SLIT3: variants seen among roughly 807,000 people sequenced by gnomAD.
SLIT3 encodes the protein slit guidance ligand 3, also known as slit homolog 3 protein.
In SLIT3, 68 loss-of-function variants were observed where a neutral mutation model predicts 184.0. That is an observed-to-expected ratio of 0.37 (90% CI 0.30 to 0.45). The LOEUF is 0.45. Ranked by LOEUF, SLIT3 falls within the 20% of genes least tolerant of loss-of-function variation. The pLI is 1.00. For missense variants in SLIT3, 1,707 were observed against 2,026.0 expected (o/e 0.84, Z 3.02); for synonymous variants, 831 against 828.6 (o/e 1.00, Z -0.05).
intron 4 of SLIT3, among the ~76,000 whole-genome samples, chr5:168,992,406 T>C (rs1755360800): frequency 6.6e-6 from 1 of 152,264 alleles, no homozygotes; most frequent in Non-Finnish European, 1.5e-5. Context: ...AGAATTCTGC[T>C]GAGGTTTACT....
At chr5:169,272,260 A>G (rs963307414) in intron 1 of SLIT3, among the ~76,000 whole-genome samples, 2 of 152,212 alleles carry the variant, frequency 1.3e-5, no homozygotes, top group African/African-American at 4.8e-5. Flanking sequence ...TCCCAGGTTA[A>G]GTTTTGATTT....
At chr5:168,712,589 G>C (rs1580992429) in intron 23 of SLIT3, 1 of 517,118 alleles carries the variant, frequency 1.9e-6, no homozygotes, top group Non-Finnish European at 3.5e-6. Context: ...TTTTCAATCT[G>C]ATAGACCTGA....
At chr5:169,253,789 A>G (rs1765855986) in intron 1 of SLIT3, among the ~76,000 whole-genome samples, 1 of 152,148 alleles carries the variant, frequency 6.6e-6, no homozygotes, top group African/African-American at 2.4e-5. Flanking sequence ...GGTCCCCAAG[A>G]CACTCCTTGT....
intron 4 of SLIT3, chr5:169,017,881 A>T (rs1157116637): frequency 6.6e-6 from 1 of 152,250 alleles, no homozygotes; most frequent in Non-Finnish European, 1.5e-5. Context: ...TAAGAGTCAA[A>T]GACAGGAAAA....
intron 10 of SLIT3, among the ~76,000 whole-genome samples, chr5:168,794,442 A>G (rs1269433354): frequency 1.3e-5 from 2 of 152,218 alleles, no homozygotes; most frequent in African/African-American, 4.8e-5. Context: ...GCAGTGCTCA[A>G]GGTCGTCATG....
At chr5:168,842,541 G>A (rs1488089708) in intron 6 of SLIT3, among the ~76,000 whole-genome samples, 1 of 149,172 alleles carries the variant, frequency 6.7e-6, no homozygotes, top group African/African-American at 2.5e-5. Flanking sequence ...GGCTTGATGG[G>A]GGTGAGGGTG....
At position 168,919,237 on chromosome 5, in the gene SLIT3, G is replaced by A. The variant is rs371012627; in HGVS notation, c.414-35901C>T. ...ATCGCGCCACTGCACTCCAGCCTGGGGGACACAGCGAGACTCCATCTCAAA... is the reference window on the plus strand; with the variant it reads ...ATCGCGCCACTGCACTCCAGCCTGGAGGACACAGCGAGACTCCATCTCAAA... On this transcript the variant is annotated intron_variant, in intron 4 of 35. Coordinates refer to ENST00000519560, the MANE Select transcript of SLIT3 (RefSeq NM_003062.4). Among the ~76,000 whole-genome samples, 299 of 150,754 alleles carry A rather than the reference G, an allele frequency of 2.0e-3. 1 individual carries two copies. Among genetic ancestry groups the A allele is most frequent in the Middle Eastern group, 0.01 (3 of 294 alleles).
At chr5:168,775,958 T>C (rs1216094875) in intron 12 of SLIT3, among the ~76,000 whole-genome samples, 1 of 152,224 alleles carries the variant, frequency 6.6e-6, no homozygotes, top group South Asian at 2.1e-4. Context: ...TGACTAGACA[T>C]GCCTTGTAGT....
At chr5:169,034,250 G>A (rs1239785256) in intron 4 of SLIT3, among the ~76,000 whole-genome samples, 2 of 151,956 alleles carry the variant, frequency 1.3e-5, no homozygotes, top group Middle Eastern at 3.4e-3. Context: ...TTAGTTTGAT[G>A]TGCTCTCATT....
chr5:169,131,462 C>G (rs1408399666), intron 4 of SLIT3, among the ~76,000 whole-genome samples: 1 of 152,226 alleles, frequency 6.6e-6, no homozygotes, highest in Non-Finnish European at 1.5e-5. Flanking sequence ...ATGAGAACCA[C>G]TAAATTAGCA....
At chr5:168,679,711 C>T (rs1761523966) in intron 32 of SLIT3, among the ~76,000 whole-genome samples, 1 of 152,144 alleles carries the variant, frequency 6.6e-6, no homozygotes, top group Admixed American at 6.5e-5. Context: ...ACCTCAGGCC[C>T]CACTGCAGCA....
intron 4 of SLIT3, among the ~76,000 whole-genome samples, chr5:169,064,051 A>G (rs1758266814): frequency 1.3e-5 from 2 of 152,208 alleles, no homozygotes; most frequent in African/African-American, 4.8e-5. Context: ...AATTATTTTC[A>G]AAAGGGAAGG....
At chr5:169,270,331 A>G (rs1766556573) in intron 1 of SLIT3, among the ~76,000 whole-genome samples, 1 of 152,232 alleles carries the variant, frequency 6.6e-6, no homozygotes, top group Non-Finnish European at 1.5e-5. Context: ...GACAGGGGTC[A>G]GCAAACTACA....
chr5:168,669,032 A>G (rs886110968), intron 35 of SLIT3, among the ~76,000 whole-genome samples: 16 of 152,200 alleles, frequency 1.1e-4, no homozygotes, highest in African/African-American at 3.4e-4. Flanking sequence ...CATCGTGACA[A>G]TGTTGCTTCT....
chr5:168,933,577 A>C (rs1326905524), intron 4 of SLIT3, among the ~76,000 whole-genome samples: 1 of 152,218 alleles, frequency 6.6e-6, no homozygotes, highest in Non-Finnish European at 1.5e-5. Flanking sequence ...AGAGGAGGTA[A>C]GAACTGTGAT....
At chr5:169,132,199 G>A (rs1054531418) in intron 4 of SLIT3, among the ~76,000 whole-genome samples, 14 of 152,160 alleles carry the variant, frequency 9.2e-5, no homozygotes, top group South Asian at 6.2e-4. Context: ...GGGAAAAGGC[G>A]GAGGAAGAAA....
rs976150114 is a variant in SLIT3 at position 169,274,058 on chromosome 5, G to T, written c.198-22599C>A. On this transcript the variant is annotated intron_variant, in intron 1 of 35. Transcript: ENST00000519560. ...AGACAGCATCATAATCCCCCAAATG[G>T]GGTTCCCGGACCAGCAGTATCAGCA... Among the ~76,000 whole-genome samples the T allele has an allele frequency of 5.3e-5, 8 of 152,228 alleles. No homozygotes were observed. In the East Asian group the frequency reaches 1.5e-3, roughly 29 times the overall value.
At chr5:168,677,513 A>C (rs1761452113) in intron 32 of SLIT3, among the ~76,000 whole-genome samples, 1 of 152,066 alleles carries the variant, frequency 6.6e-6, no homozygotes, top group Non-Finnish European at 1.5e-5. Flanking sequence ...CATTGGCGTG[A>C]TCTCAGCTCA....
intron 4 of SLIT3, among the ~76,000 whole-genome samples, chr5:169,037,037 T>C (rs990887459): frequency 6.6e-6 from 1 of 152,212 alleles, no homozygotes; most frequent in Non-Finnish European, 1.5e-5. Flanking sequence ...CCACTGCTAA[T>C]TGACCAAGGG....
Sources: gnomAD v4.1 joint callset for allele counts (sites outside exome capture counted in the v4.1 genomes callset) on GRCh38, gnomAD v4.1.1 for gene constraint, MANE v1.5 for transcripts, NCBI Gene and HGNC (gene_info 2026-07-23, HGNC 2026-07-21) for gene names.